Variants in FNTB observed in about 807,000 individuals in gnomAD.
The protein encoded by FNTB is protein farnesyltransferase subunit beta.
FNTB carries 27 observed loss-of-function variants against 59.4 expected under a neutral mutation model. The observed-to-expected ratio is 0.45, with a 90% CI of 0.34 to 0.63. The LOEUF is 0.63. Among genes scored for constraint, FNTB ranks in the 20% least tolerant of loss-of-function variants. The probability of loss-of-function intolerance (pLI) is 0.02; values close to 1 mark genes in which losing one functional copy is unlikely to be tolerated. For missense variants in FNTB, 449 were observed against 559.6 expected, an observed-to-expected ratio of 0.80 and a Z score of 1.99; for synonymous variants, 230 against 220.7, an observed-to-expected ratio of 1.04 and a Z score of -0.37.
rs1888616674 is a variant in FNTB at position 65,001,957 on chromosome 14, T to C, written c.145-2292T>C. Among the ~76,000 whole-genome samples the C allele has an allele frequency of 6.6e-6, 1 of 152,336 alleles. No individual in the cohort carries two copies. The highest frequency in any genetic ancestry group is 2.1e-4 in the South Asian group (1 of 4,822). ...GTTCAAAAGCAAATATCAAAGCGTA[T>C]TCTAAAACCAGATGTAAATTAATTT... On this transcript the variant is annotated intron_variant, in intron 1 of 11. Coordinates refer to ENST00000246166, the MANE Select transcript of FNTB (RefSeq NM_002028.4). This position sits in a 1 kb window ranked among gnomAD's most constrained non-coding sequence, Gnocchi z 5.5.
chr14:65,018,412 A>G (rs1159718193), intron 4 of FNTB, among the ~76,000 whole-genome samples: 2 of 152,222 alleles, frequency 1.3e-5, no homozygotes, highest in South Asian at 2.1e-4. Flanking sequence ...AGTTTAAAAG[A>G]TTTAATTTAC....
At chr14:65,006,335 T>G (rs1465305546) in intron 2 of FNTB, 1 of 1,605,088 alleles carries the variant, frequency 6.2e-7, no homozygotes, top group Non-Finnish European at 8.5e-7. Context: ...AGTCTTTCCC[T>G]TAACTGCTAA....
intron 3 of FNTB, chr14:65,015,408 A>ATCTTTTT (rs2061752412): frequency 2.9e-6 from 1 of 344,720 alleles, no homozygotes; most frequent in African/African-American, 2.6e-5. Flanking sequence ...CAGCCTTGTT[A>ATCTTTTT]TCTTTTTTTT....
intron 4 of FNTB, among the ~76,000 whole-genome samples, chr14:65,025,259 C>G (rs1027372555): frequency 2.0e-5 from 3 of 152,104 alleles, no homozygotes; most frequent in Non-Finnish European, 2.9e-5. Context: ...GTGTTGCGTT[C>G]GGCACGATTC....
intron 3 of FNTB, 83 bp from the exon 4 acceptor site, chr14:65,015,542 G>A (rs779486802): frequency 1.6e-5 from 23 of 1,449,182 alleles, no homozygotes; most frequent in Admixed American, 1.1e-4. Context: ...CAGGCTGCTG[G>A]GAGTGAGACA....
In FNTB at chr14:65,047,470, G is replaced by A. The variant is rs2062510392; in HGVS notation, c.955+3027G>A. On this transcript the variant is annotated intron_variant, in intron 9 of 11. Transcript: ENST00000246166. The surrounding 1 kb of genome is among the most constrained non-coding windows in gnomAD (Gnocchi z 5.2). ...AAAAGAAATGCTAATCAAAAGAGTGGCACTATTTGTTTTTATTATTGGATT... is the reference window on the plus strand; with the variant it reads ...AAAAGAAATGCTAATCAAAAGAGTGACACTATTTGTTTTTATTATTGGATT... Among the ~76,000 whole-genome samples the A allele has an allele frequency of 6.6e-6, 1 of 152,146 alleles. No individual in the cohort carries two copies. Among genetic ancestry groups the A allele is most frequent in the Non-Finnish European group, 1.5e-5 (1 of 68,004 alleles).
At chr14:65,006,917 C>G (rs2061602867) in intron 2 of FNTB, among the ~76,000 whole-genome samples, 1 of 152,004 alleles carries the variant, frequency 6.6e-6, no homozygotes, top group Non-Finnish European at 1.5e-5. Flanking sequence ...TCCCCTGATT[C>G]ATAGCTGGTA....
At chr14:65,053,438 A>G (rs1190600872) in intron 10 of FNTB, 89 bp downstream of exon 10, 2 of 1,130,060 alleles carry the variant, frequency 1.8e-6, no homozygotes, top group Non-Finnish European at 2.3e-6. Context: ...CCAGATCTCA[A>G]GAGCAGAGGT....
chr14:65,045,586 T>C (rs897127071), intron 9 of FNTB, among the ~76,000 whole-genome samples: 1 of 152,078 alleles, frequency 6.6e-6, no homozygotes, highest in African/African-American at 2.4e-5. Flanking sequence ...TGGCTAATTT[T>C]TGTATTTTTA....
chr14:65,004,942 C>T (rs527316310), intron 2 of FNTB, among the ~76,000 whole-genome samples: 77 of 152,314 alleles, frequency 5.1e-4, no homozygotes, highest in Non-Finnish European at 8.8e-4. Flanking sequence ...GGATTACAGG[C>T]GTGAGCCACT....
At chr14:65,050,152 C>T (rs542262646) in intron 9 of FNTB, among the ~76,000 whole-genome samples, 1 of 152,072 alleles carries the variant, frequency 6.6e-6, no homozygotes, top group South Asian at 2.1e-4. Flanking sequence ...GAAGATTAGG[C>T]CAAACAGACA....
chr14:64,994,791 C>T lies in FNTB; in HGVS notation c.144+7694C>T, dbSNP rs1478059296. 6.6e-6 allele frequency among the ~76,000 whole-genome samples: 1 copy of T among 152,102 alleles called. No individual in the cohort carries two copies. The highest frequency in any genetic ancestry group is 1.5e-5 in the Non-Finnish European group (1 of 68,020). Reference sequence around the variant, plus strand: ...TACTGTAGACTTTATAAACACTGTACACTTGTTACTGAGCAGACATTATGA... The same window carrying T: ...TACTGTAGACTTTATAAACACTGTATACTTGTTACTGAGCAGACATTATGA... On this transcript the variant is annotated intron_variant, in intron 1 of 11. Transcript: ENST00000246166. The surrounding 1 kb of genome is among the most constrained non-coding windows in gnomAD (Gnocchi z 4.2).
Position 65,029,042 on chromosome 14 carries a change from A to G in FNTB, c.605+1261A>G, listed in dbSNP as rs984081161. Among the ~76,000 whole-genome samples the G allele has an allele frequency of 6.6e-6, 1 of 151,798 alleles. No homozygotes were observed. Among genetic ancestry groups the G allele is most frequent in the Non-Finnish European group, 1.5e-5 (1 of 67,980 alleles). On this transcript the variant is annotated intron_variant, in intron 6 of 11. Coordinates refer to ENST00000246166, the MANE Select transcript of FNTB (RefSeq NM_002028.4). This position sits in a 1 kb window ranked among gnomAD's most constrained non-coding sequence, Gnocchi z 4.7. ...TTTTTTCCCTATGCTCTTTATTTATATGTTCTAGATAAATGCTAGGAAACT... is the reference window on the plus strand; with the variant it reads ...TTTTTTCCCTATGCTCTTTATTTATGTGTTCTAGATAAATGCTAGGAAACT...
intron 4 of FNTB, among the ~76,000 whole-genome samples, chr14:65,018,617 C>T (rs1163185814): frequency 6.6e-6 from 1 of 152,010 alleles, no homozygotes; most frequent in Non-Finnish European, 1.5e-5. Flanking sequence ...CGAGACCAGC[C>T]TGGCCAACAT....
chr14:64,997,254 T>A lies in FNTB; in HGVS notation c.145-6995T>A, dbSNP rs948298337. On this transcript the variant is annotated intron_variant, in intron 1 of 11. Coordinates refer to ENST00000246166, the MANE Select transcript of FNTB (RefSeq NM_002028.4). This position sits in a 1 kb window ranked among gnomAD's most constrained non-coding sequence, Gnocchi z 4.5. ...ACATCCCAATTGCAGAACCTAAGAT[T>A]GGCTGTTTGAGATGTCTTTTCAGAT... 3.3e-5 allele frequency among the ~76,000 whole-genome samples: 5 copies of A among 152,170 alleles called. No homozygotes were observed. Among genetic ancestry groups the A allele is most frequent in the African/African-American group, 1.2e-4 (5 of 41,434 alleles).
intron 4 of FNTB, among the ~76,000 whole-genome samples, chr14:65,019,800 C>T (rs1001625147): frequency 6.6e-6 from 1 of 152,182 alleles, no homozygotes; most frequent in Non-Finnish European, 1.5e-5. Flanking sequence ...ATGAACAAAG[C>T]CTACTGGCTC....
chr14:65,057,926 A>C (rs577883150), intron 11 of FNTB, among the ~76,000 whole-genome samples: 375 of 152,006 alleles, frequency 2.5e-3, no homozygotes, highest in African/African-American at 8.7e-3. Flanking sequence ...GCCTATCTGC[A>C]CTCTTTTAAG....
chr14:64,992,100 A>G (rs1888222125), intron 1 of FNTB, among the ~76,000 whole-genome samples: 1 of 152,200 alleles, frequency 6.6e-6, no homozygotes, highest in South Asian at 2.1e-4. Context: ...CCAACTTTTT[A>G]TGCCTCTGAT....
At position 64,994,287 on chromosome 14, in the gene FNTB, G is replaced by A. The variant is rs889280589; in HGVS notation, c.144+7190G>A. On this transcript the variant is annotated intron_variant, in intron 1 of 11. Coordinates refer to ENST00000246166, the MANE Select transcript of FNTB (RefSeq NM_002028.4). This position sits in a 1 kb window ranked among gnomAD's most constrained non-coding sequence, Gnocchi z 4.2. The stretch of plus-strand genomic sequence containing the variant: ...TGGCACCTAAGTGTTGGGGACCCTA[G>A]TACAGTTACTTGATCCCTGGCCCCT... Among the ~76,000 whole-genome samples, 11 of 152,160 alleles carry A rather than the reference G, an allele frequency of 7.2e-5. No individual in the cohort carries two copies. The highest frequency in any genetic ancestry group is 6.5e-5 in the Admixed American group (1 of 15,276).
Sources: gnomAD v4.1 joint callset for allele counts (sites outside exome capture counted in the v4.1 genomes callset) on GRCh38, gnomAD v4.1.1 for gene constraint, Gnocchi (gnomAD v3.1) non-coding constraint, MANE v1.5 for transcripts, NCBI Gene and HGNC (gene_info 2026-07-23, HGNC 2026-07-21) for gene names.